TMEM43: variants seen among roughly 807,000 people sequenced by gnomAD.
TMEM43 encodes the protein transmembrane protein 43, also known as arrhythmogenic right ventricular dysplasia 5.
Under a neutral mutation model 49.6 loss-of-function variants are expected in TMEM43, and 45 were observed. That is an observed-to-expected ratio of 0.91 (90% CI 0.71 to 1.16). The LOEUF is 1.16. Ranked by LOEUF, TMEM43 falls within the 50% of genes most tolerant of loss-of-function variation. The pLI, the probability that TMEM43 is intolerant of heterozygous loss-of-function variation, is 0.00. For synonymous variants in TMEM43, 199 were observed against 207.8 expected, an observed-to-expected ratio of 0.96 and a Z score of 0.36; for missense variants, 532 against 516.6, an observed-to-expected ratio of 1.03 and a Z score of -0.29.
intron 4 of TMEM43, among the ~76,000 whole-genome samples, chr3:14,132,086 G>C (rs1473082692): frequency 2.0e-5 from 3 of 152,196 alleles, no homozygotes; most frequent in Admixed American, 1.3e-4. Flanking sequence ...AGGAGTCCCA[G>C]GGCAGGTTCT....
intron 6 of TMEM43, among the ~76,000 whole-genome samples, chr3:14,133,412 A>C (rs1695122945): frequency 1.3e-5 from 2 of 152,090 alleles, no homozygotes; most frequent in South Asian, 4.1e-4. Flanking sequence ...GATGGTTGGG[A>C]TGGAATGCTC....
At chr3:14,133,647 G>A (rs975207591) in intron 6 of TMEM43, 92 bp from the exon 7 acceptor site, 23 of 1,198,920 alleles carry the variant, frequency 1.9e-5, no homozygotes, top group Middle Eastern at 2.2e-4. Flanking sequence ...AGGAACCCCC[G>A]GGTGGGGACC....
rs777082653 is a variant in TMEM43 at position 14,130,804 on chromosome 3, A to G, written c.163-18A>G. On this transcript the variant is annotated intron_variant, in intron 2 of 11. Transcript: ENST00000306077. ...CCACCCCTGAGCTGTTGAAATCCCC[A>G]CTCCCCTTTGCTCCCAGGGCCGCGC... is the stretch of plus-strand genomic sequence containing the variant. The G allele has an allele frequency of 1.9e-6, 3 of 1,612,330 alleles. No individual in the cohort carries two copies. Among genetic ancestry groups the G allele is most frequent in the Non-Finnish European group, 2.5e-6 (3 of 1,179,488 alleles).
chr3:14,140,416 T>TA (rs748094996), intron 11 of TMEM43, among the ~76,000 whole-genome samples: 14 of 152,058 alleles, frequency 9.2e-5, no homozygotes, highest in Non-Finnish European at 1.6e-4. Flanking sequence ...AGGACAGACT[T>TA]AGAGTGTGGA....
chr3:14,132,487 A>C, intron 4 of TMEM43, 59 bp from the exon 5 acceptor site: 2 of 1,594,638 alleles, frequency 1.3e-6, no homozygotes, highest in East Asian at 4.5e-5. Context: ...AGATGCTTAG[A>C]GATTAGACTG....
intron 6 of TMEM43, 124 bp downstream of exon 6, chr3:14,133,059 T>G: frequency 1.2e-6 from 1 of 856,330 alleles, no homozygotes; most frequent in Non-Finnish European, 1.9e-6. Flanking sequence ...ATGTGGGACA[T>G]GGGTTTGAGA....
chr3:14,125,638 A>G lies in TMEM43; in HGVS notation c.12+433A>G, dbSNP rs551021639. Among the ~76,000 whole-genome samples, 7 of 152,280 alleles carry G rather than the reference A, an allele frequency of 4.6e-5. No homozygotes were observed. The East Asian group carries it at 1.4e-3, about 29-fold the overall frequency. ...CGATCCAGCCCAAGTGGAGCTGTCC[A>G]GCAATGGACAGACAGGGCTGTCCAG... On this transcript the variant is annotated intron_variant, in intron 1 of 11. Transcript: ENST00000306077.
chr3:14,141,512 C>T, intron 11 of TMEM43, 81 bp from the exon 12 acceptor site: 2 of 1,355,866 alleles, frequency 1.5e-6, no homozygotes, highest in South Asian at 1.2e-5. Flanking sequence ...TGGGCCCATC[C>T]TCATCTAGGG....
intron 10 of TMEM43, chr3:14,137,339 C>T (rs952937245): frequency 6.6e-6 from 1 of 152,380 alleles, no homozygotes; most frequent in African/African-American, 2.4e-5. Flanking sequence ...AGGCCTTGCT[C>T]TCTCTCCCAG....
chr3:14,140,430 A>G (rs1295270885), intron 11 of TMEM43, among the ~76,000 whole-genome samples: 2 of 150,688 alleles, frequency 1.3e-5, no homozygotes, highest in African/African-American at 4.9e-5. Context: ...GTGTGGAGGG[A>G]CCCCCAGGGT....
In TMEM43 at chr3:14,125,127, C is replaced by A. The variant is rs377412476; in HGVS notation, c.-67C>A. The stretch of plus-strand genomic sequence containing the variant: ...GCTGGCAAGAGGCCGCTGGACACCA[C>A]GCTCCAGTCGTCAGCCCACTTCCTA... On this transcript the variant is annotated 5_prime_UTR_variant, in exon 1 of 12. Transcript: ENST00000306077. 1 of 1,598,832 alleles carries A rather than the reference C, an allele frequency of 6.3e-7. No individual in the cohort carries two copies.
At chr3:14,131,058 A>G (rs1695089114) in intron 3 of TMEM43, 102 bp downstream of exon 3, 2 of 1,439,624 alleles carry the variant, frequency 1.4e-6, no homozygotes, top group South Asian at 1.3e-5. Flanking sequence ...ATGGTCACAC[A>G]TGGGAGTGAT....
chr3:14,134,078 G>A (rs1481588677), intron 7 of TMEM43, among the ~76,000 whole-genome samples: 2 of 152,200 alleles, frequency 1.3e-5, no homozygotes, highest in African/African-American at 4.8e-5. Flanking sequence ...ACCCTGCTGC[G>A]TGCCGGTGTC....
chr3:14,132,696 C>T (rs1313308072), intron 5 of TMEM43, 101 bp downstream of exon 5: 2 of 1,465,560 alleles, frequency 1.4e-6, no homozygotes, highest in African/African-American at 1.4e-5. Flanking sequence ...GGATTCAGCA[C>T]CAGGCATCAG....
At chr3:14,129,682 G>A in intron 2 of TMEM43, 121 bp downstream of exon 2, 1 of 1,088,188 alleles carries the variant, frequency 9.2e-7, no homozygotes, top group African/African-American at 1.6e-5. Context: ...AGAGAAAGGA[G>A]GATACTGAGT....
chr3:14,128,383 C>T (rs1358855440), intron 1 of TMEM43, among the ~76,000 whole-genome samples: 1 of 152,214 alleles, frequency 6.6e-6, no homozygotes, highest in Admixed American at 6.5e-5. Flanking sequence ...CAGGCAGCTG[C>T]TCCCCCAGAA....
rs755682525 is a variant in TMEM43 at position 14,129,517 on chromosome 3, C to G, written c.118C>G (p.Leu40Val). 4 of 1,614,024 alleles carry G rather than the reference C, an allele frequency of 2.5e-6. No homozygotes were observed. Among genetic ancestry groups the G allele is most frequent in the Non-Finnish European group, 3.4e-6 (4 of 1,180,046 alleles). ...GACCTCGGGTGGGATGTTTGTGGGG[C>G]TCATGGCCTTCCTGCTCTCCTTCTA... ...SETSGGMFVG[L>V]MAFLLSFYLI... Residue 40 changes from leucine (L) to valine (V), a missense_variant, in exon 2 of 12, where the codon CTC becomes GTC. Transcript: ENST00000306077.
intron 9 of TMEM43, 29 bp downstream of exon 9, chr3:14,135,261 AAGTC>A (rs764556916): frequency 6.2e-5 from 99 of 1,589,958 alleles, no homozygotes; most frequent in Non-Finnish European, 7.5e-5. Context: ...GGCAGACACT[AAGTC>A]AGAGCCTCAC....
intron 10 of TMEM43, among the ~76,000 whole-genome samples, chr3:14,136,763 T>A (rs965254762): frequency 7.3e-6 from 1 of 136,312 alleles, no homozygotes; most frequent in African/African-American, 3.1e-5. Context: ...CGGGGAAGGG[T>A]TTTGGGCCTC....
Sources: gnomAD v4.1 joint callset for allele counts (sites outside exome capture counted in the v4.1 genomes callset) on GRCh38, gnomAD v4.1.1 for gene constraint, MANE v1.5 for transcripts, NCBI Gene and HGNC (gene_info 2026-07-23, HGNC 2026-07-21) for gene names.